MCPH1: variants seen among roughly 807,000 people sequenced by gnomAD.
The protein encoded by MCPH1 is microcephalin.
A neutral mutation model predicts 84.5 loss-of-function variants in MCPH1; 104 were observed. The observed-to-expected ratio is 1.23, with a 90% confidence interval of 1.05 to 1.45. MCPH1 has a LOEUF of 1.45. MCPH1 is among the 40% of genes most tolerant of loss of function. The probability of loss-of-function intolerance (pLI) is 0.00; values close to 1 mark genes in which losing one functional copy is unlikely to be tolerated. For synonymous variants in MCPH1, 514 were observed against 366.8 expected (o/e 1.40, Z -4.58); for missense variants, 1,498 against 1,005.7 (o/e 1.49, Z -6.62).
intron 9 of MCPH1, among the ~76,000 whole-genome samples, chr8:6,476,485 C>CA (rs1296038580): frequency 6.7e-6 from 1 of 150,118 alleles, no homozygotes; most frequent in East Asian, 1.9e-4. Flanking sequence ...AACTTAAAAG[C>CA]AGAAATATAA....
chr8:6,504,279 C>G (rs1041531974), intron 12 of MCPH1, among the ~76,000 whole-genome samples: 3 of 136,802 alleles, frequency 2.2e-5, no homozygotes, highest in Admixed American at 8.3e-5. Context: ...GATCGCGCCA[C>G]TGCACTCCAG....
intron 12 of MCPH1, among the ~76,000 whole-genome samples, chr8:6,515,429 G>A (rs1353925326): frequency 1.3e-5 from 2 of 152,160 alleles, no homozygotes; most frequent in East Asian, 3.9e-4. Flanking sequence ...TTGGCCTCAA[G>A]GGCATGACTT....
At chr8:6,506,813 A>T (rs1459443613) in intron 12 of MCPH1, among the ~76,000 whole-genome samples, 7 of 151,066 alleles carry the variant, frequency 4.6e-5, no homozygotes, top group Admixed American at 6.6e-5. Flanking sequence ...TGATTCTTTC[A>T]GCATAAAAGG....
At chr8:6,513,995 A>G in intron 12 of MCPH1, 2 of 740,124 alleles carry the variant, frequency 2.7e-6, no homozygotes, top group Non-Finnish European at 4.3e-6. Flanking sequence ...CCCAAAGGAA[A>G]ATGGATTTTA....
At chr8:6,472,654 G>T (rs1807898557) in intron 9 of MCPH1, among the ~76,000 whole-genome samples, 1 of 152,026 alleles carries the variant, frequency 6.6e-6, no homozygotes, top group Non-Finnish European at 1.5e-5. Context: ...TTTTAGTAGA[G>T]ATGGGGTTTC....
At chr8:6,507,551 A>G (rs1298616518) in intron 12 of MCPH1, 1 of 151,180 alleles carries the variant, frequency 6.6e-6, no homozygotes, top group East Asian at 1.9e-4. Context: ...TTAACAAATC[A>G]GAAAAATAAC....
intron 12 of MCPH1, among the ~76,000 whole-genome samples, chr8:6,528,346 G>C (rs758113828): frequency 6.6e-6 from 1 of 152,172 alleles, no homozygotes; most frequent in Non-Finnish European, 1.5e-5. Context: ...TAGGTGGAAA[G>C]TATTTTCCCT....
intron 12 of MCPH1, among the ~76,000 whole-genome samples, chr8:6,570,277 T>C (rs1826547501): frequency 1.3e-5 from 2 of 152,212 alleles, no homozygotes; most frequent in African/African-American, 2.4e-5. Context: ...ATAAAATAGC[T>C]GGCCCGATAT....
At chr8:6,614,031 C>G (rs938964698) in intron 12 of MCPH1, among the ~76,000 whole-genome samples, 3 of 152,142 alleles carry the variant, frequency 2.0e-5, no homozygotes, top group Non-Finnish European at 2.9e-5. Context: ...TTGTACTTCT[C>G]CCTGGTGCCA....
chr8:6,639,034 C>T (rs748603498), intron 13 of MCPH1, among the ~76,000 whole-genome samples: 1 of 152,194 alleles, frequency 6.6e-6, no homozygotes. Context: ...GTGTAAGGTA[C>T]AGACTTTGTT....
At position 6,643,523 on chromosome 8, in the gene MCPH1, T is replaced by C. The variant is rs547690626; in HGVS notation, c.*474T>C. On this transcript the variant is annotated 3_prime_UTR_variant, in exon 14 of 14. Coordinates refer to ENST00000344683, the MANE Select transcript of MCPH1 (RefSeq NM_024596.5). ...CAGGTGATCTGTCAGGCCTCTTCTA[T>C]AGAATTCCAGTCTTTGTGTCTTAGT... 2.1e-5 allele frequency: 4 copies of C among 187,642 alleles called. No individual in the cohort carries two copies. The highest frequency in any genetic ancestry group is 5.4e-5 in the Admixed American group (1 of 18,686). 11.6% of individuals were successfully genotyped at this position (187,642 alleles called of 1,614,324 possible).
intron 9 of MCPH1, among the ~76,000 whole-genome samples, chr8:6,466,524 G>C (rs1806969134): frequency 1.3e-5 from 2 of 152,162 alleles, no homozygotes; most frequent in South Asian, 2.1e-4. Context: ...AGCCAGGATG[G>C]TCTCACTCTC....
At chr8:6,640,081 T>C (rs1197362280) in intron 13 of MCPH1, among the ~76,000 whole-genome samples, 1 of 144,586 alleles carries the variant, frequency 6.9e-6, no homozygotes, top group Non-Finnish European at 1.5e-5. Context: ...TGTGTGTGTG[T>C]GTGTGTGTGT....
rs563595248 is a variant in MCPH1 at position 6,428,454 on chromosome 8, G to A, written c.234-3045G>A. 1.7e-3 allele frequency among the ~76,000 whole-genome samples: 263 copies of A among 152,218 alleles called. 4 individuals carry two copies. In the South Asian group the frequency reaches 0.018, roughly 10 times the overall value. ...ACTGGATTCACAGAGTTGTGCAACC[G>A]TCACCACAATTTAAAAACATTTTCG... On this transcript the variant is annotated intron_variant, in intron 3 of 13. Transcript: ENST00000344683.
chr8:6,560,627 G>A (rs943774964), intron 12 of MCPH1, among the ~76,000 whole-genome samples: 2 of 152,162 alleles, frequency 1.3e-5, no homozygotes, highest in Non-Finnish European at 2.9e-5. Context: ...TTGGGGAAAC[G>A]GTATTTAGCT....
At chr8:6,486,765 G>A (rs1394271024) in intron 11 of MCPH1, among the ~76,000 whole-genome samples, 1 of 152,174 alleles carries the variant, frequency 6.6e-6, no homozygotes, top group Non-Finnish European at 1.5e-5. Context: ...ATTTATGGGA[G>A]ACAGGAAGTA....
chr8:6,436,105 T>G lies in MCPH1; in HGVS notation c.379T>G (p.Phe127Val), dbSNP rs768800693. The change falls in exon 5 of 14, where the codon TTT becomes GTT. Residue 127 changes from phenylalanine to valine, a missense_variant. By Grantham distance (50) the Phe-to-Val change is conservative (BLOSUM62 -1). Transcript: ENST00000344683. ...NFKTPENDKR[F>V]QKKFEKMAKE... ...TAAAACACCAGAAAATGATAAGAGATTTCAGAAGAAATTTGAGAAAATGGC... is the reference window on the plus strand; with the variant it reads ...TAAAACACCAGAAAATGATAAGAGAGTTCAGAAGAAATTTGAGAAAATGGC... 6.2e-6 allele frequency: 10 copies of G among 1,613,738 alleles called. No homozygotes were observed. The African/African-American group carries it at 1.3e-4, about 22-fold the overall frequency.
chr8:6,465,360 C>G (rs951026806), intron 9 of MCPH1, among the ~76,000 whole-genome samples: 3 of 152,210 alleles, frequency 2.0e-5, no homozygotes, highest in African/African-American at 7.2e-5. Context: ...CGGAGCTGTT[C>G]ACGCCAAGTG....
chr8:6,626,019 C>T, intron 13 of MCPH1: 1 of 985,378 alleles, frequency 1.0e-6, no homozygotes, highest in Non-Finnish European at 1.2e-6. Context: ...TCCCCTGGGA[C>T]TGCAGCATCC....
Sources: allele counts gnomAD v4.1 joint callset (sites outside exome capture counted in the v4.1 genomes callset), GRCh38; gene constraint gnomAD v4.1.1; transcripts MANE v1.5; gene names NCBI Gene and HGNC (gene_info 2026-07-23, HGNC 2026-07-21).